RBM20: variants seen among roughly 807,000 people sequenced by gnomAD.
The protein encoded by RBM20 is RNA-binding protein 20.
In RBM20, 51 loss-of-function variants were observed where a neutral mutation model predicts 110.1. That is an observed-to-expected ratio of 0.46 (90% CI 0.37 to 0.59). The LOEUF (loss-of-function observed/expected upper bound fraction) is 0.59. RBM20 is among the 20% of genes least tolerant of loss of function. RBM20 has a pLI of 0.00. For missense variants in RBM20, 1,512 were observed against 1,574.9 expected (o/e 0.96, Z 0.68); for synonymous variants, 589 against 618.2 (o/e 0.95, Z 0.70).
intron 1 of RBM20, among the ~76,000 whole-genome samples, chr10:110,770,588 A>G (rs1264243076): frequency 2.0e-5 from 3 of 152,208 alleles, no homozygotes; most frequent in African/African-American, 4.8e-5. Context: ...GACTTCTAGT[A>G]TTTGGCTGAA....
chr10:110,709,583 T>C (rs558196820), intron 1 of RBM20, among the ~76,000 whole-genome samples: 1 of 151,514 alleles, frequency 6.6e-6, no homozygotes, highest in African/African-American at 2.4e-5. Context: ...TTTTTTTTAA[T>C]TGGGATGGGA....
chr10:110,715,803 T>C (rs1049826840), intron 1 of RBM20, among the ~76,000 whole-genome samples: 4 of 152,200 alleles, frequency 2.6e-5, no homozygotes, highest in Admixed American at 2.0e-4. Context: ...ACATTGCAAT[T>C]ACAATTACAG....
At chr10:110,803,449 C>A (rs1844655973) in intron 7 of RBM20, among the ~76,000 whole-genome samples, 1 of 152,164 alleles carries the variant, frequency 6.6e-6, no homozygotes, top group Non-Finnish European at 1.5e-5. Context: ...GCATACAGAT[C>A]ACTTGGTGAT....
chr10:110,733,412 C>A (rs561645772), intron 1 of RBM20, among the ~76,000 whole-genome samples: 1 of 152,196 alleles, frequency 6.6e-6, no homozygotes, highest in Non-Finnish European at 1.5e-5. Flanking sequence ...GGAGGATTGA[C>A]GATGTGGCTT....
Position 110,644,549 on chromosome 10 carries a change from C to T in RBM20, c.95C>T (p.Ser32Phe). 3 of 1,526,668 alleles carry T rather than the reference C, an allele frequency of 2.0e-6. No individual in the cohort carries two copies. Among genetic ancestry groups the T allele is most frequent in the Non-Finnish European group, 2.6e-6 (3 of 1,140,436 alleles). The allele number at this position is 1,526,668 out of a possible 1,614,324, so 94.6% of individuals were successfully genotyped here. ...VACSVPGARA[S>F]PAPSGPRGMQ... ...TGCAGTGTGCCTGGTGCCCGGGCGT[C>T]CCCGGCACCCTCCGGCCCGCGAGGG... The change falls in exon 1 of 14, where the codon TCC becomes TTC. Residue 32 changes from serine (S) to phenylalanine (F), a missense_variant. This residue lies in a region of RBM20 where 1,149 missense variants were observed against 1,169.4 expected (regional missense o/e 0.98). Transcript: ENST00000369519. The surrounding 1 kb of genome is among the most constrained non-coding windows in gnomAD (Gnocchi z 4.3).
intron 1 of RBM20, among the ~76,000 whole-genome samples, chr10:110,648,632 C>A (rs1275144309): frequency 6.6e-6 from 1 of 152,080 alleles, no homozygotes; most frequent in Non-Finnish European, 1.5e-5. Flanking sequence ...ATTTTAAATA[C>A]CATCTTAAAC....
At chr10:110,811,635 C>A (rs908050682) in intron 8 of RBM20, among the ~76,000 whole-genome samples, 1 of 152,016 alleles carries the variant, frequency 6.6e-6, no homozygotes, top group Non-Finnish European at 1.5e-5. Context: ...ACGTGTAGAT[C>A]AGGATTCTAG....
At chr10:110,790,951 A>G (rs1314604985) in intron 5 of RBM20, among the ~76,000 whole-genome samples, 1 of 151,906 alleles carries the variant, frequency 6.6e-6, no homozygotes, top group African/African-American at 2.4e-5. Context: ...ACGTTTTGTG[A>G]CTCTACAGTT....
chr10:110,812,948 G>A lies in RBM20; in HGVS notation c.2550+1G>A, dbSNP rs1844794840. 1.4e-6 allele frequency: 2 copies of A among 1,425,696 alleles called. No homozygotes were observed. Among genetic ancestry groups the A allele is most frequent in the South Asian group, 1.6e-5 (1 of 63,604 alleles). The allele number at this position is 1,425,696 out of a possible 1,614,324, so 88.3% of individuals were successfully genotyped here. A position where few individuals can be genotyped will look rare whatever the true frequency, so the allele number is the denominator to read the frequency against. ...AGAAAACACAATGGCAGAGAATGAG[G>A]TAATGATCAATTTCTTCCCCAGGTA... On this transcript the variant is annotated splice_donor_variant, in intron 9 of 13. Transcript: ENST00000369519. LOFTEE classifies it high-confidence loss of function.
chr10:110,779,373 G>A (rs1463069144), intron 1 of RBM20, among the ~76,000 whole-genome samples: 1 of 152,222 alleles, frequency 6.6e-6, no homozygotes, highest in Non-Finnish European at 1.5e-5. Context: ...GGAGAGGGGG[G>A]TGCCCGAGAG....
chr10:110,675,920 A>G (rs73355021), intron 1 of RBM20, among the ~76,000 whole-genome samples: 234 of 152,372 alleles, frequency 1.5e-3, no homozygotes, highest in Middle Eastern at 6.8e-3. Flanking sequence ...GATAGCTGCT[A>G]TGGCTTATAT....
chr10:110,714,081 T>C (rs368600793), intron 1 of RBM20, among the ~76,000 whole-genome samples: 1 of 152,178 alleles, frequency 6.6e-6, no homozygotes, highest in South Asian at 2.1e-4. Flanking sequence ...ATGGCAGTGC[T>C]CCTGATTCTG....
At chr10:110,653,831 C>T (rs535073971) in intron 1 of RBM20, among the ~76,000 whole-genome samples, 16 of 152,240 alleles carry the variant, frequency 1.1e-4, no homozygotes, top group Non-Finnish European at 1.9e-4. Flanking sequence ...GCTGGGATTA[C>T]AGGCATGAGC....
intron 5 of RBM20, among the ~76,000 whole-genome samples, chr10:110,797,183 C>T (rs1275667656): frequency 6.6e-6 from 1 of 152,024 alleles, no homozygotes; most frequent in Non-Finnish European, 1.5e-5. Flanking sequence ...GTCCCAGCTA[C>T]TTGGGAGGCT....
At chr10:110,660,461 A>G (rs1262313931) in intron 1 of RBM20, among the ~76,000 whole-genome samples, 1 of 152,176 alleles carries the variant, frequency 6.6e-6, no homozygotes, top group Non-Finnish European at 1.5e-5. Flanking sequence ...CCTGTTAGGA[A>G]CGAGGCCACA....
At chr10:110,759,512 C>T (rs545117410) in intron 1 of RBM20, among the ~76,000 whole-genome samples, 10 of 152,122 alleles carry the variant, frequency 6.6e-5, no homozygotes, top group Non-Finnish European at 1.5e-4. Flanking sequence ...TCTTACATGC[C>T]ATATATGCAT....
At chr10:110,676,349 T>G (rs1862339326) in intron 1 of RBM20, among the ~76,000 whole-genome samples, 1 of 152,142 alleles carries the variant, frequency 6.6e-6, no homozygotes, top group Non-Finnish European at 1.5e-5. Flanking sequence ...AATAGATATT[T>G]GGAAGTGGTA....
Position 110,837,273 on chromosome 10 carries a change from G to A in RBM20, c.*1295G>A, listed in dbSNP as rs895267052. On this transcript the variant is annotated 3_prime_UTR_variant, in exon 14 of 14. Coordinates refer to ENST00000369519, the MANE Select transcript of RBM20 (RefSeq NM_001134363.3). ...CCGCTGCTCTTTCTGGTACTGGAGG[G>A]TGGGTACCTTCAGGCTGTGGGGTCT... is the stretch of plus-strand genomic sequence containing the variant. 2.6e-5 allele frequency: 4 copies of A among 152,232 alleles called. No individual in the cohort carries two copies. Among genetic ancestry groups the A allele is most frequent in the African/African-American group, 9.7e-5 (4 of 41,440 alleles). The allele number at this position is 152,232 out of a possible 1,614,324, so 9.4% of individuals were successfully genotyped here.
intron 12 of RBM20, among the ~76,000 whole-genome samples, chr10:110,826,793 C>T (rs1844987461): frequency 6.6e-6 from 1 of 151,910 alleles, no homozygotes; most frequent in South Asian, 2.1e-4. Context: ...ACCATGTTGG[C>T]CTTGAACTGT....
Sources: allele counts gnomAD v4.1 joint callset (sites outside exome capture counted in the v4.1 genomes callset), GRCh38; gene constraint gnomAD v4.1.1; regional missense constraint gnomAD v4.1.1; non-coding constraint Gnocchi (gnomAD v3.1); transcripts MANE v1.5; gene names NCBI Gene and HGNC (gene_info 2026-07-23, HGNC 2026-07-21).